The following MOB4 variants were observed in gnomAD, a reference collection of about 807,000 sequenced individuals.
MOB4 encodes the protein MOB-like protein phocein.
Under a neutral mutation model 32.2 loss-of-function variants are expected in MOB4, and 4 were observed. That is an observed-to-expected ratio of 0.12 (90% confidence interval 0.06 to 0.28). The LOEUF (loss-of-function observed/expected upper bound fraction) is 0.28, where lower values mean the gene tolerates loss of function less well. Among genes scored for constraint, MOB4 ranks in the 10% least tolerant of loss-of-function variants. The probability of loss-of-function intolerance (pLI) is 1.00; values close to 1 mark genes in which losing one functional copy is unlikely to be tolerated. For missense variants in MOB4, 158 were observed against 271.2 expected (o/e 0.58, Z 2.93); for synonymous variants, 88 against 88.1 (o/e 1.00, Z 0.01).
chr2:197,541,136 A>G (rs1239061965), intron 5 of MOB4, among the ~76,000 whole-genome samples: 1 of 152,008 alleles, frequency 6.6e-6, no homozygotes, highest in Non-Finnish European at 1.5e-5. Flanking sequence ...CCTGACCTCA[A>G]GTAATCTGCC....
intron 1 of MOB4, 167 bp downstream of exon 1, chr2:197,516,313 G>T: frequency 7.0e-7 from 1 of 1,431,658 alleles, no homozygotes; most frequent in South Asian, 1.5e-5. Flanking sequence ...TTTGGCTGAG[G>T]CGGTGGCGGC....
At chr2:197,549,116 C>T (rs2087049587) in intron 6 of MOB4, among the ~76,000 whole-genome samples, 1 of 151,906 alleles carries the variant, frequency 6.6e-6, no homozygotes, top group South Asian at 2.1e-4. Context: ...TAATCCCAGC[C>T]ACTTGGGAGG....
At chr2:197,516,344 T>G in intron 1 of MOB4, 198 bp downstream of exon 1, 1 of 1,423,768 alleles carries the variant, frequency 7.0e-7, no homozygotes, top group Non-Finnish European at 9.2e-7. Context: ...CCTGCGGAGC[T>G]CCGACCCAGG....
intron 5 of MOB4, among the ~76,000 whole-genome samples, chr2:197,545,170 G>A (rs1378926607): frequency 6.6e-6 from 1 of 152,138 alleles, no homozygotes; most frequent in East Asian, 1.9e-4. Context: ...ACTGATGAAT[G>A]GATAAGCAAA....
intron 5 of MOB4, among the ~76,000 whole-genome samples, chr2:197,542,869 G>A (rs1468251053): frequency 6.6e-6 from 1 of 152,122 alleles, no homozygotes; most frequent in African/African-American, 2.4e-5. Context: ...AATGCAAAAT[G>A]TCATCCAAAT....
intron 2 of MOB4, among the ~76,000 whole-genome samples, chr2:197,531,594 C>T (rs2086705923): frequency 6.6e-6 from 1 of 152,012 alleles, no homozygotes; most frequent in African/African-American, 2.4e-5. Flanking sequence ...GAGACGGAGT[C>T]TTGCTCTGTC....
At chr2:197,521,136 C>T (rs576343491) in intron 1 of MOB4, among the ~76,000 whole-genome samples, 75 of 152,126 alleles carry the variant, frequency 4.9e-4, no homozygotes, top group Admixed American at 1.4e-3. Flanking sequence ...CCGATAGTCA[C>T]GTAGGTTCTT....
At chr2:197,549,867 A>G (rs2087065522) in intron 6 of MOB4, among the ~76,000 whole-genome samples, 1 of 151,482 alleles carries the variant, frequency 6.6e-6, no homozygotes. Context: ...TCTAAAAAAA[A>G]AAAAAAAAAA....
At chr2:197,529,870 T>C (rs1449778671) in intron 2 of MOB4, among the ~76,000 whole-genome samples, 1 of 151,846 alleles carries the variant, frequency 6.6e-6, no homozygotes, top group Non-Finnish European at 1.5e-5. Flanking sequence ...GCCGGAATGG[T>C]CTCGATCTCT....
At position 197,548,367 on chromosome 2, in the gene MOB4, T is replaced by G; in HGVS notation, c.386T>G (p.Leu129Arg). 1 of 1,612,406 alleles carries G rather than the reference T, an allele frequency of 6.2e-7. No homozygotes were observed. The highest frequency in any genetic ancestry group is 8.5e-7 in the Non-Finnish European group (1 of 1,179,312). Residue 129 changes from leucine (L) to arginine (R), a missense_variant, in exon 6 of 8, where the codon CTT (leucine) becomes CGT (arginine). Physicochemically the swap from Leu to Arg is moderately radical, Grantham distance 102. This residue lies in a region of MOB4 where 22 missense variants were observed against 61.2 expected (regional missense o/e 0.36). Coordinates refer to ENST00000323303, the MANE Select transcript of MOB4 (RefSeq NM_015387.5). ...GCTATAGACTATACTAGACACACAC[T>G]TGATGGTGCTGCATGTCTTCTGAAT... ...CPAIDYTRHT[L>R]DGAACLLNSN...
At chr2:197,535,700 A>C in intron 3 of MOB4, 70 bp downstream of exon 3, 1 of 1,522,176 alleles carries the variant, frequency 6.6e-7, no homozygotes, top group South Asian at 1.3e-5. Context: ...GATAATTATG[A>C]ATTGTAAAAT....
chr2:197,550,239 A>T, intron 6 of MOB4, 36 bp from the exon 7 acceptor site: 1 of 1,571,882 alleles, frequency 6.4e-7, no homozygotes, highest in Middle Eastern at 2.3e-4. Context: ...GATTCTATCC[A>T]GTTCTAAGAA....
intron 7 of MOB4, 54 bp from the exon 8 acceptor site, chr2:197,550,461 T>G: frequency 1.3e-6 from 2 of 1,583,166 alleles, no homozygotes; most frequent in Non-Finnish European, 1.7e-6. Flanking sequence ...TTATTTCTAG[T>G]CTTTTAGTTT....
At chr2:197,550,431 A>C (rs376218537) in intron 7 of MOB4, 45 bp downstream of exon 7, 3 of 1,602,712 alleles carry the variant, frequency 1.9e-6, no homozygotes, top group Non-Finnish European at 1.7e-6. Context: ...TTATCAGTGT[A>C]ACAGTAATAT....
chr2:197,541,404 G>A (rs1574648569), intron 5 of MOB4, among the ~76,000 whole-genome samples: 1 of 152,138 alleles, frequency 6.6e-6, no homozygotes, highest in African/African-American at 2.4e-5. Context: ...CAATTCTGTA[G>A]AATCATAGAC....
intron 2 of MOB4, among the ~76,000 whole-genome samples, chr2:197,535,185 T>C (rs1298650782): frequency 6.7e-6 from 1 of 149,440 alleles, no homozygotes; most frequent in African/African-American, 2.5e-5. Flanking sequence ...ATTGTGCCAC[T>C]GTACTCCAGC....
At chr2:197,542,577 A>C (rs2086914973) in intron 5 of MOB4, among the ~76,000 whole-genome samples, 1 of 152,234 alleles carries the variant, frequency 6.6e-6, no homozygotes. Flanking sequence ...AAAGAGAGGC[A>C]TTCAGCATAT....
At chr2:197,528,208 T>C (rs971469826) in intron 2 of MOB4, among the ~76,000 whole-genome samples, 1 of 152,214 alleles carries the variant, frequency 6.6e-6, no homozygotes, top group African/African-American at 2.4e-5. Flanking sequence ...TTTTAATTTG[T>C]TCCTTCTGGG....
intron 5 of MOB4, among the ~76,000 whole-genome samples, chr2:197,544,191 C>T (rs1362474423): frequency 6.6e-6 from 1 of 152,158 alleles, no homozygotes; most frequent in Non-Finnish European, 1.5e-5. Flanking sequence ...ACTGCCTCAG[C>T]CTTCTGAGTA....
Sources: gnomAD v4.1 joint callset for allele counts (sites outside exome capture counted in the v4.1 genomes callset) on GRCh38, gnomAD v4.1.1 for gene constraint, gnomAD v4.1.1 regional missense constraint, MANE v1.5 for transcripts, NCBI Gene and HGNC (gene_info 2026-07-23, HGNC 2026-07-21) for gene names.